NPAT: variants seen among roughly 807,000 people sequenced by gnomAD.
NPAT encodes nuclear protein, coactivator of histone transcription.
Under a neutral mutation model 130.7 loss-of-function variants are expected in NPAT, and 52 were observed. The observed-to-expected ratio is 0.40, with a 90% CI of 0.32 to 0.50. NPAT has a LOEUF of 0.50. Among genes scored for constraint, NPAT ranks in the 20% least tolerant of loss-of-function variants. The pLI is 0.68. For synonymous variants in NPAT, 580 were observed against 584.8 expected, an observed-to-expected ratio of 0.99 and a Z score of 0.12; for missense variants, 1,687 against 1,662.6, an observed-to-expected ratio of 1.01 and a Z score of -0.26.
At position 108,189,265 on chromosome 11, in the gene NPAT, C is replaced by G; in HGVS notation, c.397G>C (p.Ala133Pro). 1 of 1,614,140 alleles carries G rather than the reference C, an allele frequency of 6.2e-7. No homozygotes were observed. The highest frequency in any genetic ancestry group is 1.1e-5 in the South Asian group (1 of 91,086). ...GGTAAAGTGAGCAACTCTGCACTGG[C>G]TGGAGCTGTTTGAGATGCAAGCTTT... ...QRKLASQTAP[A>P]SAELLTLPYL... The change falls in exon 6 of 18, where the codon GCC (alanine) becomes CCC (proline). Residue 133 changes from alanine to proline, a missense_variant. Coordinates refer to ENST00000278612, the MANE Select transcript of NPAT (RefSeq NM_002519.3).
intron 10 of NPAT, 130 bp downstream of exon 10, chr11:108,185,102 C>CTA: frequency 6.9e-6 from 5 of 729,618 alleles, no homozygotes; most frequent in African/African-American, 1.8e-5. Context: ...TATTGTAAAT[C>CTA]ATTTTATCTA....
intron 1 of NPAT, among the ~76,000 whole-genome samples, chr11:108,205,229 T>C (rs2078314473): frequency 6.6e-6 from 1 of 152,198 alleles, no homozygotes. Flanking sequence ...AGAAAAAAGA[T>C]AAAAAACTGA....
chr11:108,206,322 C>A (rs2078325016), intron 1 of NPAT, among the ~76,000 whole-genome samples: 2 of 152,166 alleles, frequency 1.3e-5, no homozygotes, highest in South Asian at 4.1e-4. Context: ...GCCCACTTGG[C>A]CAAGCAGGCT....
Position 108,160,930 on chromosome 11 carries a change from TAGA to T in NPAT, c.4153_4155del (p.Ser1386del). Reference sequence around the variant, plus strand: ...ATTGATGAATTTGTAAGATTTTTACTAGAAGGACGAGAGTTTCGCTCACGTTCA... The same window carrying T: ...ATTGATGAATTTGTAAGATTTTTACTAGGACGAGAGTTTCGCTCACGTTCA... On this transcript the variant is annotated inframe_deletion, in exon 17 of 18. Coordinates refer to ENST00000278612, the MANE Select transcript of NPAT (RefSeq NM_002519.3). 2 of 1,614,192 alleles carry T rather than the reference TAGA, an allele frequency of 1.2e-6. No individual in the cohort carries two copies. The highest frequency in any genetic ancestry group is 1.7e-6 in the Non-Finnish European group (2 of 1,180,010).
rs1173634474 is a variant in NPAT, at chr11:108,172,470, A to T, written c.2514T>A (p.Asn838Lys). 6.2e-7 allele frequency: 1 copy of T among 1,614,098 alleles called. No homozygotes were observed. Among genetic ancestry groups the T allele is most frequent in the East Asian group, 2.2e-5 (1 of 44,900 alleles). The change falls in exon 13 of 18, where the codon AAT (asparagine) becomes AAA (lysine). Residue 838 changes from asparagine (N) to lysine (K), a missense_variant. Transcript: ENST00000278612. The part of the protein sequence containing the change: ...QNEDGIAFSA[N>K]VTPCVSKDGG... ...CATCCTTGGAAACACATGGTGTAAC[A>T]TTAGCTGAAAAAGCAATGCCATCTT...
At chr11:108,176,410 C>A (rs768133496) in intron 11 of NPAT, 36 bp from the exon 12 acceptor site, 10 of 1,419,766 alleles carry the variant, frequency 7.0e-6, no homozygotes, top group Non-Finnish European at 9.9e-6. Context: ...ATTAAATGAC[C>A]AAAACAAAAA....
chr11:108,187,371 G>A (rs2078117391), intron 7 of NPAT, among the ~76,000 whole-genome samples: 1 of 152,166 alleles, frequency 6.6e-6, no homozygotes, highest in Non-Finnish European at 1.5e-5. Context: ...AGGATCTTCT[G>A]AGCCCACAAG....
intron 13 of NPAT, chr11:108,171,566 C>G (rs1565310014): frequency 6.6e-6 from 1 of 151,290 alleles, no homozygotes; most frequent in Non-Finnish European, 1.5e-5. Flanking sequence ...CTCACTGAAA[C>G]CTCTGTCTCC....
chr11:108,178,761 G>A (rs1047821297), intron 10 of NPAT, among the ~76,000 whole-genome samples: 1 of 152,180 alleles, frequency 6.6e-6, no homozygotes, highest in African/African-American at 2.4e-5. Context: ...GGGAGGCTAA[G>A]GCAGGGGAAT....
At chr11:108,204,057 G>A (rs978083014) in intron 1 of NPAT, among the ~76,000 whole-genome samples, 2 of 152,084 alleles carry the variant, frequency 1.3e-5, no homozygotes, top group Non-Finnish European at 2.9e-5. Flanking sequence ...TGCTGTTTTT[G>A]CAAAACAGCA....
chr11:108,197,978 C>A (rs1158052784), intron 1 of NPAT, among the ~76,000 whole-genome samples: 1 of 152,172 alleles, frequency 6.6e-6, no homozygotes, highest in Admixed American at 6.5e-5. Flanking sequence ...TCAACCTTAA[C>A]TAGTGAAGGA....
intron 2 of NPAT, among the ~76,000 whole-genome samples, chr11:108,195,595 C>T (rs2078211929): frequency 6.6e-6 from 1 of 151,842 alleles, no homozygotes; most frequent in South Asian, 2.1e-4. Context: ...GGGTACAAAC[C>T]CTTTATCAGA....
chr11:108,199,765 C>T (rs1288557932), intron 1 of NPAT, among the ~76,000 whole-genome samples: 1 of 152,104 alleles, frequency 6.6e-6, no homozygotes, highest in Non-Finnish European at 1.5e-5. Context: ...ATAAGGTCCT[C>T]GGGCAACTGA....
intron 13 of NPAT, among the ~76,000 whole-genome samples, chr11:108,170,973 C>G (rs2077944524): frequency 6.6e-6 from 1 of 151,998 alleles, no homozygotes; most frequent in South Asian, 2.1e-4. Flanking sequence ...AGCTTGGGAA[C>G]CAACACATAA....
chr11:108,186,212 T>C (rs1325543382), intron 8 of NPAT, among the ~76,000 whole-genome samples: 2 of 151,908 alleles, frequency 1.3e-5, no homozygotes, highest in East Asian at 3.9e-4. Context: ...AGAGGGGGTT[T>C]TACCATGTTG....
At chr11:108,165,777 G>A (rs1420837646) in intron 15 of NPAT, among the ~76,000 whole-genome samples, 1 of 151,882 alleles carries the variant, frequency 6.6e-6, no homozygotes, top group Non-Finnish European at 1.5e-5. Context: ...GGGACTACAG[G>A]CACCCACCAC....
chr11:108,222,015 CT>C (rs2078513391), intron 1 of NPAT, among the ~76,000 whole-genome samples: 1 of 152,184 alleles, frequency 6.6e-6, no homozygotes, highest in Non-Finnish European at 1.5e-5. Context: ...AAGATCACCC[CT>C]ACTCCCAAAT....
Position 108,192,210 on chromosome 11 carries a change from GTTC to G in NPAT, c.218-23_218-21del. 2 of 1,512,050 alleles carry G rather than the reference GTTC, an allele frequency of 1.3e-6. No individual in the cohort carries two copies. The highest frequency in any genetic ancestry group is 1.8e-6 in the Non-Finnish European group (2 of 1,087,334). The allele number at this position is 1,512,050 out of a possible 1,614,324, so 93.7% of individuals were successfully genotyped here. ...ATGTTTCTAAATCATAGGAGAAAAGGTTCTTAATAAACCCAGCTGAAGAAATTT... is the reference window on the plus strand; with the variant it reads ...ATGTTTCTAAATCATAGGAGAAAAGGTTAATAAACCCAGCTGAAGAAATTT... On this transcript the variant is annotated intron_variant, in intron 3 of 17. Transcript: ENST00000278612.
chr11:108,160,953 C>T lies in NPAT; in HGVS notation c.4133G>A (p.Arg1378His), dbSNP rs200762365. 5.9e-5 allele frequency: 95 copies of T among 1,614,116 alleles called. No individual in the cohort carries two copies. Among genetic ancestry groups the T allele is most frequent in the Middle Eastern group, 3.3e-4 (2 of 6,062 alleles). The change falls in exon 17 of 18, where the codon CGT (arginine) becomes CAT (histidine). Residue 1378 changes from arginine (R) to histidine (H), a missense_variant. Around this residue, in one of 3 missense-constraint regions of NPAT, gnomAD observed 1,379 missense variants for 1,346.6 expected, o/e 1.02. Coordinates refer to ENST00000278612, the MANE Select transcript of NPAT (RefSeq NM_002519.3). ...ACTAGAAGGACGAGAGTTTCGCTCA[C>T]GTTCATCTAATTCCTCAATTTTCCG... The part of the protein sequence containing the change: ...KKRKIEELDE[R>H]ERNSRPSSKN...
Sources: allele counts gnomAD v4.1 joint callset (sites outside exome capture counted in the v4.1 genomes callset), GRCh38; gene constraint gnomAD v4.1.1; regional missense constraint gnomAD v4.1.1; transcripts MANE v1.5; gene names NCBI Gene and HGNC (gene_info 2026-07-23, HGNC 2026-07-21).